Variants in COMMD7 observed in about 807,000 individuals in gnomAD.
The protein encoded by COMMD7 is COMM domain-containing protein 7.
In COMMD7, 28 loss-of-function variants were observed where a neutral mutation model predicts 34.8. The observed-to-expected ratio is 0.80, with a 90% confidence interval of 0.60 to 1.10. The LOEUF is 1.10. Ranked by LOEUF, COMMD7 falls within the 50% of genes least tolerant of loss-of-function variation. COMMD7 has a pLI of 0.00. For missense variants in COMMD7, 211 were observed against 241.6 expected, an observed-to-expected ratio of 0.87 and a Z score of 0.84; for synonymous variants, 80 against 86.4, an observed-to-expected ratio of 0.93 and a Z score of 0.41.
intron 1 of COMMD7, among the ~76,000 whole-genome samples, chr20:32,741,912 G>A (rs1293065297): frequency 6.6e-6 from 1 of 152,144 alleles, no homozygotes; most frequent in African/African-American, 2.4e-5. Context: ...TCAGGGCTGG[G>A]CACAGTGGCT....
At position 32,743,390 on chromosome 20, in the gene COMMD7, ATGGC is replaced by A; in HGVS notation, c.-3_1del. 1.4e-6 allele frequency: 2 copies of A among 1,391,358 alleles called. No individual in the cohort carries two copies. Among genetic ancestry groups the A allele is most frequent in the Non-Finnish European group, 1.9e-6 (2 of 1,078,414 alleles). The allele number at this position is 1,391,358 out of a possible 1,614,324, so 86.2% of individuals were successfully genotyped here. A position where few individuals can be genotyped will look rare whatever the true frequency, so the allele number is the denominator to read the frequency against. On this transcript the variant is annotated start_lost and 5_prime_UTR_variant, in exon 1 of 9. Coordinates refer to ENST00000278980, the MANE Select transcript of COMMD7 (RefSeq NM_053041.3). ...GTCCTCAGTGCAGTGCAGGCGGCCCATGGCGCGCGCCCCAGCCCCGCAGGTTCCA... is the reference window on the plus strand; with the variant it reads ...GTCCTCAGTGCAGTGCAGGCGGCCCAGCGCGCCCCAGCCCCGCAGGTTCCA...
At chr20:32,738,711 T>C (rs568189149) in intron 1 of COMMD7, among the ~76,000 whole-genome samples, 24 of 152,146 alleles carry the variant, frequency 1.6e-4, no homozygotes, top group Non-Finnish European at 2.9e-4. Context: ...ATGAGCCACC[T>C]TGCCTGGCTT....
chr20:32,742,493 G>C (rs1386122741), intron 1 of COMMD7: 2 of 152,086 alleles, frequency 1.3e-5, no homozygotes, highest in African/African-American at 4.8e-5. Flanking sequence ...AGCAGCCTTG[G>C]TGGTATGAAA....
intron 1 of COMMD7, among the ~76,000 whole-genome samples, chr20:32,735,277 C>T (rs907360286): frequency 6.6e-6 from 1 of 151,578 alleles, no homozygotes; most frequent in Non-Finnish European, 1.5e-5. Flanking sequence ...TATATGCTGG[C>T]AAATTAAGAC....
intron 1 of COMMD7, among the ~76,000 whole-genome samples, chr20:32,740,427 G>A (rs1483946605): frequency 1.3e-5 from 2 of 152,072 alleles, no homozygotes; most frequent in Non-Finnish European, 2.9e-5. Context: ...TTTGTATATG[G>A]GTAAGATATT....
At chr20:32,713,922 T>C (rs920276316) in intron 3 of COMMD7, among the ~76,000 whole-genome samples, 81 of 152,102 alleles carry the variant, frequency 5.3e-4, no homozygotes, top group African/African-American at 1.9e-3. Flanking sequence ...AAGACCAGCC[T>C]GGCCAACATG....
intron 3 of COMMD7, among the ~76,000 whole-genome samples, chr20:32,722,500 G>A (rs1279638869): frequency 6.6e-6 from 1 of 152,078 alleles, no homozygotes; most frequent in Non-Finnish European, 1.5e-5. Flanking sequence ...GTGGCCGGCA[G>A]ATCACCTGAG....
intron 3 of COMMD7, among the ~76,000 whole-genome samples, chr20:32,710,845 G>T (rs1984395103): frequency 6.6e-6 from 1 of 152,110 alleles, no homozygotes; most frequent in Non-Finnish European, 1.5e-5. Flanking sequence ...TTGGGAAGCT[G>T]AGGTGAGAGG....
chr20:32,735,001 T>C (rs1331762419), intron 1 of COMMD7, among the ~76,000 whole-genome samples: 2 of 151,344 alleles, frequency 1.3e-5, no homozygotes, highest in African/African-American at 4.9e-5. Flanking sequence ...ACTTTGCGAG[T>C]CTGAGGAAGG....
At chr20:32,707,288 A>ATATATAT (rs1555822499) in intron 3 of COMMD7, among the ~76,000 whole-genome samples, 1 of 82,178 alleles carries the variant, frequency 1.2e-5, no homozygotes, top group Non-Finnish European at 3.7e-5. Context: ...CGTCTCAAAA[A>ATATATAT]AAAAAAATAT....
chr20:32,734,973 C>T (rs1986057730), intron 1 of COMMD7, among the ~76,000 whole-genome samples: 2 of 151,802 alleles, frequency 1.3e-5, no homozygotes, highest in South Asian at 4.2e-4. Flanking sequence ...CACGGTGGCT[C>T]ATGCCTGTAA....
intron 3 of COMMD7, among the ~76,000 whole-genome samples, chr20:32,725,601 T>C (rs1235829781): frequency 2.6e-5 from 4 of 151,976 alleles, no homozygotes; most frequent in Non-Finnish European, 5.9e-5. Context: ...GCTAATTTTT[T>C]GTATTTTTAG....
chr20:32,706,959 T>G (rs1301259158), intron 3 of COMMD7, among the ~76,000 whole-genome samples, 199 bp from the exon 4 acceptor site: 6 of 151,880 alleles, frequency 4.0e-5, no homozygotes, highest in Non-Finnish European at 8.8e-5. Flanking sequence ...ATTTTACAAT[T>G]TATTTATTTT....
chr20:32,730,089 G>A (rs554614552), intron 1 of COMMD7, among the ~76,000 whole-genome samples: 1 of 152,206 alleles, frequency 6.6e-6, no homozygotes, highest in East Asian at 1.9e-4. Context: ...AATACCAGCT[G>A]CCCAGGTATT....
chr20:32,735,075 A>G (rs1986062294), intron 1 of COMMD7, among the ~76,000 whole-genome samples: 1 of 150,992 alleles, frequency 6.6e-6, no homozygotes, highest in South Asian at 2.1e-4. Flanking sequence ...CCATTCTACT[A>G]AAAACATAAA....
In COMMD7 at chr20:32,703,250, CCTGGGCCCCATGGAGCCAG is replaced by C; in HGVS notation, c.*113_*131del. 1.4e-6 allele frequency: 1 copy of C among 738,838 alleles called. No individual in the cohort carries two copies. Among genetic ancestry groups the C allele is most frequent in the East Asian group, 2.6e-5 (1 of 38,494 alleles). 45.8% of individuals were successfully genotyped at this position (738,838 alleles called of 1,614,324 possible). On this transcript the variant is annotated 3_prime_UTR_variant, in exon 9 of 9. Transcript: ENST00000278980. ...TGCTGTTTTTCAGAAACCCTTTGCA[CCTGGGCCCCATGGAGCCAG>C]CAGGGCCCCATGGAGCATCCCACAG... is the stretch of plus-strand genomic sequence containing the variant.
At chr20:32,720,147 C>T (rs544728810) in intron 3 of COMMD7, among the ~76,000 whole-genome samples, 1 of 152,268 alleles carries the variant, frequency 6.6e-6, no homozygotes, top group African/African-American at 2.4e-5. Context: ...CCTGAAAAGC[C>T]CATCTCTTCA....
intron 3 of COMMD7, among the ~76,000 whole-genome samples, chr20:32,712,096 C>T (rs1984482803): frequency 1.3e-5 from 2 of 151,582 alleles, no homozygotes; most frequent in African/African-American, 4.8e-5. Context: ...ATGATGAAAC[C>T]CCATCTCTAC....
intron 3 of COMMD7, among the ~76,000 whole-genome samples, chr20:32,717,909 AC>A (rs1057032523): frequency 6.8e-6 from 1 of 147,654 alleles, no homozygotes; most frequent in African/African-American, 2.5e-5. Flanking sequence ...ACATGGTAAA[AC>A]CCCCTCTTGA....
Sources: gnomAD v4.1 joint callset for allele counts (sites outside exome capture counted in the v4.1 genomes callset) on GRCh38, gnomAD v4.1.1 for gene constraint, MANE v1.5 for transcripts, NCBI Gene and HGNC (gene_info 2026-07-23, HGNC 2026-07-21) for gene names.